Variants in PPDPFL observed in about 807,000 individuals in gnomAD.
PPDPFL encodes pancreatic progenitor cell differentiation and proliferation factor-like protein.
A neutral mutation model predicts 12.6 loss-of-function variants in PPDPFL; 12 were observed. That is an observed-to-expected ratio of 0.95 (90% CI 0.61 to 1.54). The LOEUF is 1.54. Among genes scored for constraint, PPDPFL ranks in the 40% most tolerant of loss-of-function variants. The pLI, the probability that PPDPFL is intolerant of heterozygous loss-of-function variation, is 0.00. For missense variants in PPDPFL, 114 were observed against 96.0 expected (o/e 1.19, Z -0.78); for synonymous variants, 24 against 32.7 (o/e 0.73, Z 0.91).
chr8:49,068,351 G>C (rs1436057881), upstream of PPDPFL, among the ~76,000 whole-genome samples: 1 of 152,166 alleles, frequency 6.6e-6, no homozygotes, highest in East Asian at 1.9e-4. Flanking sequence ...GGAGAGGTGG[G>C]ATGGCCTAGT....
At chr8:49,057,654 T>C (rs1808132881) in intron 1 of PPDPFL, among the ~76,000 whole-genome samples, 1 of 152,178 alleles carries the variant, frequency 6.6e-6, no homozygotes, top group African/African-American at 2.4e-5. Flanking sequence ...AAAATGCTGC[T>C]ACAAAGTCAA....
intron 1 of PPDPFL, among the ~76,000 whole-genome samples, chr8:49,058,080 T>TA (rs1808139703): frequency 6.6e-6 from 1 of 152,194 alleles, no homozygotes; most frequent in Non-Finnish European, 1.5e-5. Flanking sequence ...TACATTTTAT[T>TA]AGCCCTCATC....
In PPDPFL at chr8:49,075,326, G is replaced by T; in HGVS notation, c.*153G>T. ...CCCTTCAGCGCCCCAGCTATTCCAG[G>T]ACTCTTCTCCATTGTAAGAAGACAG... On this transcript the variant is annotated 3_prime_UTR_variant, in exon 5 of 5. Transcript: ENST00000522267. 2 of 1,475,880 alleles carry T rather than the reference G, an allele frequency of 1.4e-6. No homozygotes were observed. Among genetic ancestry groups the T allele is most frequent in the South Asian group, 2.3e-5 (2 of 88,240 alleles). 91.4% of individuals were successfully genotyped at this position (1,475,880 alleles called of 1,614,324 possible). A position where few individuals can be genotyped will look rare whatever the true frequency, so the allele number is the denominator to read the frequency against.
intron 4 of PPDPFL, chr8:49,074,536 C>A (rs1359505756): frequency 6.5e-7 from 1 of 1,536,982 alleles, no homozygotes; most frequent in Non-Finnish European, 8.7e-7. Flanking sequence ...TCATAGCACC[C>A]TTTCCAGTTC....
chr8:49,060,347 C>T (rs1052358663), intron 1 of PPDPFL, among the ~76,000 whole-genome samples: 4 of 152,008 alleles, frequency 2.6e-5, no homozygotes, highest in African/African-American at 9.7e-5. Flanking sequence ...GAGTTTCGGT[C>T]TTGTTGACCA....
rs1317586472 is a variant in PPDPFL at position 49,065,450 on chromosome 8, G to C, written c.-44-7337G>C. 3.9e-5 allele frequency among the ~76,000 whole-genome samples: 6 copies of C among 152,230 alleles called. No individual in the cohort carries two copies. The East Asian group carries it at 1.2e-3, about 29-fold the overall frequency. ...TAGCATGATTACTATTTGGCAGCCA[G>C]GCAGGAGAGATGCAGGGCAGAGGAG... On this transcript the variant is annotated intron_variant, in intron 1 of 4. Transcript: ENST00000517663.
intron 2 of PPDPFL, among the ~76,000 whole-genome samples, chr8:49,073,510 C>T (rs183240775): frequency 1.1e-3 from 173 of 152,242 alleles, no homozygotes; most frequent in African/African-American, 4.1e-3. Flanking sequence ...GTGTTAGAGA[C>T]AACTACTGAT....
rs144134175 is a variant in PPDPFL at position 49,075,687 on chromosome 8, C to T, written c.*514C>T. Reference sequence around the variant, plus strand: ...ATAATGGTTTAAAGGGCATTGAATTCGAAATTTTAGAAAATAATTGTAAAA... The same window carrying T: ...ATAATGGTTTAAAGGGCATTGAATTTGAAATTTTAGAAAATAATTGTAAAA... On this transcript the variant is annotated 3_prime_UTR_variant, in exon 5 of 5. Coordinates refer to ENST00000522267, the MANE Select transcript of PPDPFL (RefSeq NM_001256597.2). The T allele has an allele frequency of 4.9e-4, 81 of 165,178 alleles. No individual in the cohort carries two copies. Among genetic ancestry groups the T allele is most frequent in the African/African-American group, 1.6e-3 (65 of 41,650 alleles). 10.2% of individuals were successfully genotyped at this position (165,178 alleles called of 1,614,324 possible). A position where few individuals can be genotyped will look rare whatever the true frequency, so the allele number is the denominator to read the frequency against.
chr8:49,073,823 G>A (rs2129246376), intron 2 of PPDPFL, among the ~76,000 whole-genome samples: 1 of 152,246 alleles, frequency 6.6e-6, no homozygotes, highest in African/African-American at 2.4e-5. Context: ...GATATCCAAG[G>A]AGAGAGTGAG....
Position 49,074,294 on chromosome 8 carries a change from T to G in PPDPFL, c.194T>G (p.Val65Gly), listed in dbSNP as rs750881589. 6.2e-7 allele frequency: 1 copy of G among 1,614,060 alleles called. No homozygotes were observed. The highest frequency in any genetic ancestry group is 8.5e-7 in the Non-Finnish European group (1 of 1,179,886). The change falls in exon 4 of 5, where the codon GTG becomes GGG. Residue 65 changes from valine (V) to glycine (G), a missense_variant. Coordinates refer to ENST00000522267, the MANE Select transcript of PPDPFL (RefSeq NM_001256597.2). ...AAATCGTTTTTCCATTCTGAACCTG[T>G]GCTTTCAAATGTGAGAATAAAAGAT... Reference protein sequence around the residue: ...WFKSFFHSEPVLSNVRIKDLS... With the variant: ...WFKSFFHSEPGLSNVRIKDLS...
At chr8:49,073,261 T>C (rs1276547033) in intron 2 of PPDPFL, among the ~76,000 whole-genome samples, 6 of 152,252 alleles carry the variant, frequency 3.9e-5, no homozygotes. Context: ...TTCAAAAATT[T>C]TCTAATTTCC....
chr8:49,057,160 A>G (rs537184113), intron 1 of PPDPFL, among the ~76,000 whole-genome samples: 9 of 152,364 alleles, frequency 5.9e-5, no homozygotes, highest in East Asian at 5.8e-4. Context: ...AAGCCTTGCC[A>G]ATATATGCAT....
intron 1 of PPDPFL, among the ~76,000 whole-genome samples, chr8:49,061,863 C>A (rs1407332484): frequency 1.3e-5 from 2 of 152,174 alleles, no homozygotes; most frequent in Non-Finnish European, 2.9e-5. Flanking sequence ...AAACCAGACA[C>A]TGAGATTTGT....
chr8:49,072,720 G>C (rs559649698), intron 1 of PPDPFL, 67 bp from the exon 2 acceptor site: 3 of 677,558 alleles, frequency 4.4e-6, no homozygotes, highest in Non-Finnish European at 7.4e-6. Flanking sequence ...TAACAGTCAC[G>C]TGGAAAAAAG....
chr8:49,062,390 T>A (rs1808224655), intron 1 of PPDPFL, among the ~76,000 whole-genome samples: 2 of 152,156 alleles, frequency 1.3e-5, no homozygotes, highest in Non-Finnish European at 2.9e-5. Context: ...AGAAGGTGGT[T>A]GAAGAAAGGG....
chr8:49,065,318 T>A (rs1808277880), intron 1 of PPDPFL, among the ~76,000 whole-genome samples: 1 of 152,148 alleles, frequency 6.6e-6, no homozygotes, highest in Admixed American at 6.5e-5. Context: ...ACCAGAGATA[T>A]CACTCAGCTG....
chr8:49,074,735 G>A, intron 4 of PPDPFL: 2 of 1,448,950 alleles, frequency 1.4e-6, no homozygotes, highest in Non-Finnish European at 1.8e-6. Context: ...GCTTCTGTGT[G>A]GTGCAAATTA....
At chr8:49,068,863 T>C (rs1808338732), upstream of PPDPFL, among the ~76,000 whole-genome samples, 1 of 152,158 alleles carries the variant, frequency 6.6e-6, no homozygotes, top group African/African-American at 2.4e-5. Flanking sequence ...GATCTCAACC[T>C]CTAAAGTTCA....
Position 49,057,893 on chromosome 8 carries a change from T to C in PPDPFL, c.-45+3524T>C, listed in dbSNP as rs150742577. On this transcript the variant is annotated intron_variant, in intron 1 of 4. Coordinates refer to the PPDPFL transcript ENST00000517663. ...GAGAACAGTAATTGGGTTAAATTGGTAACAAGTGGTATAATGCATAAAATA... is the reference window on the plus strand; with the variant it reads ...GAGAACAGTAATTGGGTTAAATTGGCAACAAGTGGTATAATGCATAAAATA... Among the ~76,000 whole-genome samples, 601 of 152,318 alleles carry C rather than the reference T, an allele frequency of 3.9e-3. 6 individuals are homozygous for C. The highest frequency in any genetic ancestry group is 0.014 in the African/African-American group (582 of 41,576).
Sources: allele counts gnomAD v4.1 joint callset (sites outside exome capture counted in the v4.1 genomes callset), GRCh38; gene constraint gnomAD v4.1.1; transcripts MANE v1.5; gene names NCBI Gene and HGNC (gene_info 2026-07-23, HGNC 2026-07-21).